The following TNRC6B variants were observed in gnomAD, a reference collection of about 807,000 sequenced individuals.
TNRC6B encodes trinucleotide repeat-containing gene 6B protein.
TNRC6B carries 52 observed loss-of-function variants against 203.6 expected under a neutral mutation model. The observed-to-expected ratio is 0.26, with a 90% confidence interval of 0.20 to 0.32. The LOEUF is 0.32. TNRC6B is among the 10% of genes least tolerant of loss of function. TNRC6B has a pLI of 1.00. For missense variants in TNRC6B, 1,923 were observed against 2,286.2 expected (o/e 0.84, Z 3.24); for synonymous variants, 838 against 845.7 (o/e 0.99, Z 0.16).
intron 2 of TNRC6B, among the ~76,000 whole-genome samples, chr22:40,118,928 A>G (rs924042283): frequency 1.1e-4 from 16 of 152,172 alleles, no homozygotes; most frequent in African/African-American, 3.9e-4. Context: ...CAGAGGAGGG[A>G]AAGGCAGAGG....
chr22:40,210,146 C>T (rs2069541560), intron 1 of TNRC6B, among the ~76,000 whole-genome samples: 1 of 152,074 alleles, frequency 6.6e-6, no homozygotes, highest in Non-Finnish European at 1.5e-5. Context: ...CTTGTGCCTT[C>T]CCCCCAACCC....
intron 1 of TNRC6B, among the ~76,000 whole-genome samples, chr22:40,214,926 G>C (rs562362942): frequency 6.6e-6 from 1 of 152,102 alleles, no homozygotes; most frequent in African/African-American, 2.4e-5. Context: ...CAAAAAAATT[G>C]AATAAAGCAG....
At chr22:40,069,489 T>A (rs931353019) in intron 1 of TNRC6B, among the ~76,000 whole-genome samples, 4 of 150,996 alleles carry the variant, frequency 2.6e-5, no homozygotes, top group African/African-American at 9.8e-5. Flanking sequence ...TTTTTTTTTT[T>A]AATTTTTTTT....
chr22:40,274,731 A>G (rs1054976764), intron 7 of TNRC6B, among the ~76,000 whole-genome samples: 4 of 152,114 alleles, frequency 2.6e-5, no homozygotes, highest in Middle Eastern at 3.4e-3. Flanking sequence ...TAGCAGCTAG[A>G]TGATTTCTCT....
chr22:40,259,259 C>G (rs891317007), intron 3 of TNRC6B, among the ~76,000 whole-genome samples: 1 of 151,720 alleles, frequency 6.6e-6, no homozygotes, highest in Non-Finnish European at 1.5e-5. Context: ...GAGTCTTGCT[C>G]TGTGGCCCAG....
At chr22:40,316,917 AAG>A (rs1251568877) in intron 21 of TNRC6B, among the ~76,000 whole-genome samples, 2 of 152,200 alleles carry the variant, frequency 1.3e-5, no homozygotes, top group Non-Finnish European at 2.9e-5. Context: ...GGGGCAGAGA[AAG>A]AGAAAAAAAC....
intron 3 of TNRC6B, among the ~76,000 whole-genome samples, chr22:40,136,014 G>A (rs192665359): frequency 1.3e-5 from 2 of 152,300 alleles, no homozygotes; most frequent in Admixed American, 1.3e-4. Flanking sequence ...GGAGTTAGGA[G>A]AGCAAGAACC....
At chr22:40,252,207 A>G (rs975564016) in intron 3 of TNRC6B, among the ~76,000 whole-genome samples, 31 of 152,328 alleles carry the variant, frequency 2.0e-4, no homozygotes, top group African/African-American at 7.0e-4. Flanking sequence ...AGGTATGCAT[A>G]AGAATCATTT....
At chr22:40,140,011 T>C (rs1486856913) in intron 3 of TNRC6B, among the ~76,000 whole-genome samples, 1 of 152,232 alleles carries the variant, frequency 6.6e-6, no homozygotes. Flanking sequence ...AAGTTTTGTA[T>C]ATAGTATGTG....
At chr22:40,132,707 G>T (rs1380560485) in intron 3 of TNRC6B, among the ~76,000 whole-genome samples, 1 of 150,108 alleles carries the variant, frequency 6.7e-6, no homozygotes, top group Non-Finnish European at 1.5e-5. Flanking sequence ...ACTTAGGGAG[G>T]CCAAGGCGGG....
chr22:40,206,476 T>C lies in TNRC6B; in HGVS notation c.5+28336T>C, dbSNP rs545380681. On this transcript the variant is annotated intron_variant, in intron 1 of 22. Coordinates refer to ENST00000454349, the MANE Select transcript of TNRC6B (RefSeq NM_001162501.2). ...AGACAGAGCTTTGTCATGTTCATGG[T>C]TAAGAAGGCTCAATTATTTTTAAAA... Among the ~76,000 whole-genome samples, 21 of 152,348 alleles carry C rather than the reference T, an allele frequency of 1.4e-4. No homozygotes were observed. In the South Asian group the frequency reaches 3.7e-3, roughly 27 times the overall value.
intron 1 of TNRC6B, among the ~76,000 whole-genome samples, chr22:40,109,107 A>G (rs1250353335): frequency 1.3e-5 from 2 of 152,180 alleles, no homozygotes; most frequent in South Asian, 2.1e-4. Context: ...TGCGAAGCAC[A>G]TGATCTCATT....
intron 7 of TNRC6B, 89 bp downstream of exon 7, chr22:40,273,689 A>C: frequency 1.4e-6 from 2 of 1,394,708 alleles, no homozygotes; most frequent in Non-Finnish European, 1.9e-6. Context: ...TTTTGAGACA[A>C]GTTCTCCCTC....
chr22:40,121,493 C>T (rs2068445190), intron 2 of TNRC6B, among the ~76,000 whole-genome samples: 1 of 152,200 alleles, frequency 6.6e-6, no homozygotes, highest in Non-Finnish European at 1.5e-5. Context: ...TCAGCCATGC[C>T]TGCTTAGGAA....
intron 1 of TNRC6B, among the ~76,000 whole-genome samples, chr22:40,069,384 G>A (rs575898912): frequency 6.6e-6 from 1 of 152,102 alleles, no homozygotes; most frequent in Non-Finnish European, 1.5e-5. Flanking sequence ...GGGATTACAG[G>A]TGTGAACTAC....
intron 3 of TNRC6B, among the ~76,000 whole-genome samples, chr22:40,150,665 T>C (rs2068743232): frequency 6.6e-6 from 1 of 152,164 alleles, no homozygotes; most frequent in South Asian, 2.1e-4. Flanking sequence ...AGGTACCTAA[T>C]TAAAAACAGA....
chr22:40,322,002 G>A (rs890436915), intron 22 of TNRC6B, among the ~76,000 whole-genome samples: 1 of 152,092 alleles, frequency 6.6e-6, no homozygotes, highest in Non-Finnish European at 1.5e-5. Context: ...GCCCTTGGCT[G>A]CAGATGCCAT....
intron 4 of TNRC6B, among the ~76,000 whole-genome samples, chr22:40,166,194 G>A (rs1601853477): frequency 6.6e-6 from 1 of 152,062 alleles, no homozygotes; most frequent in African/African-American, 2.4e-5. Flanking sequence ...CTGACTAGCT[G>A]CAAATCCGGC....
intron 1 of TNRC6B, among the ~76,000 whole-genome samples, chr22:40,097,612 T>C (rs559163655): frequency 1.3e-5 from 2 of 151,880 alleles, no homozygotes; most frequent in African/African-American, 4.8e-5. Context: ...AAGGTACCTA[T>C]TTTTAAAGGC....
Sources: allele counts gnomAD v4.1 joint callset (sites outside exome capture counted in the v4.1 genomes callset), GRCh38; gene constraint gnomAD v4.1.1; transcripts MANE v1.5; gene names NCBI Gene and HGNC (gene_info 2026-07-23, HGNC 2026-07-21).